The following TTC28 variants were observed in gnomAD, a reference collection of about 807,000 sequenced individuals.
TTC28 encodes tetratricopeptide repeat protein 28.
A neutral mutation model predicts 198.0 loss-of-function variants in TTC28; 61 were observed. The ratio of observed to expected loss-of-function variants is 0.31; its 90% confidence interval spans 0.25 to 0.38. The LOEUF (loss-of-function observed/expected upper bound fraction) is 0.38. Ranked by LOEUF, TTC28 falls within the 10% of genes least tolerant of loss-of-function variation. The probability of loss-of-function intolerance (pLI) is 1.00; values close to 1 mark genes in which losing one functional copy is unlikely to be tolerated. For synonymous variants in TTC28, 1,171 were observed against 1,297.8 expected, an observed-to-expected ratio of 0.90 and a Z score of 2.10; for missense variants, 2,678 against 3,164.0, an observed-to-expected ratio of 0.85 and a Z score of 3.69.
At chr22:28,642,401 A>C (rs2051382918) in intron 1 of TTC28, among the ~76,000 whole-genome samples, 1 of 151,762 alleles carries the variant, frequency 6.6e-6, no homozygotes, top group Non-Finnish European at 1.5e-5. Flanking sequence ...AACCCTGTGA[A>C]TAGATAATAA....
chr22:28,292,863 T>C (rs907950794), intron 5 of TTC28, among the ~76,000 whole-genome samples: 1 of 152,226 alleles, frequency 6.6e-6, no homozygotes, highest in Non-Finnish European at 1.5e-5. Flanking sequence ...CACACCACAC[T>C]ACCCAGACCT....
Position 27,980,777 on chromosome 22 carries a change from CCTTT to C in TTC28, c.*1440_*1443del, listed in dbSNP as rs1936982252. On this transcript the variant is annotated 3_prime_UTR_variant, in exon 23 of 23. Coordinates refer to ENST00000397906, the MANE Select transcript of TTC28 (RefSeq NM_001145418.2). ...AGTACTAATACGACTTTCAGCATTT[CCTTT>C]CTTTATAAAATAAATTAATGGTTAC... is the stretch of plus-strand genomic sequence containing the variant. The C allele has an allele frequency of 6.6e-6, 1 of 152,194 alleles. No individual in the cohort carries two copies. Among genetic ancestry groups the C allele is most frequent in the African/African-American group, 2.4e-5 (1 of 41,424 alleles). 9.4% of individuals were successfully genotyped at this position (152,194 alleles called of 1,614,324 possible).
chr22:28,241,675 G>GTTCTT (rs1426175786), intron 5 of TTC28, among the ~76,000 whole-genome samples: 1 of 151,968 alleles, frequency 6.6e-6, no homozygotes, highest in Non-Finnish European at 1.5e-5. Flanking sequence ...TGGGTAAAGG[G>GTTCTT]TACACAGCAG....
At chr22:28,533,676 T>C (rs532425984) in intron 2 of TTC28, among the ~76,000 whole-genome samples, 60 of 152,304 alleles carry the variant, frequency 3.9e-4, no homozygotes, top group African/African-American at 1.3e-3. Flanking sequence ...AAGGCTACAG[T>C]AACCAAAACA....
At chr22:27,988,436 C>T (rs545301225) in intron 21 of TTC28, among the ~76,000 whole-genome samples, 152 of 151,972 alleles carry the variant, frequency 1.0e-3, no homozygotes, top group African/African-American at 3.5e-3. Flanking sequence ...TACAGGCATG[C>T]GCCTCCATGC....
At chr22:28,533,390 C>A (rs577908301) in intron 2 of TTC28, among the ~76,000 whole-genome samples, 1 of 152,142 alleles carries the variant, frequency 6.6e-6, no homozygotes, top group African/African-American at 2.4e-5. Context: ...TACAAATGAC[C>A]ACTCAATGAA....
intron 2 of TTC28, among the ~76,000 whole-genome samples, chr22:28,506,632 C>G (rs1217586654): frequency 6.6e-6 from 1 of 152,104 alleles, no homozygotes; most frequent in East Asian, 1.9e-4. Context: ...ACAGGGGTCT[C>G]CAGTCACCTC....
chr22:28,663,375 A>G (rs1422737336), intron 1 of TTC28, among the ~76,000 whole-genome samples: 1 of 150,602 alleles, frequency 6.6e-6, no homozygotes, highest in Non-Finnish European at 1.5e-5. Context: ...CTGCATTTCC[A>G]TCTGAGGTAC....
intron 16 of TTC28, chr22:27,998,250 A>C (rs770367453): frequency 1.8e-4 from 93 of 504,830 alleles, no homozygotes; most frequent in Non-Finnish European, 2.9e-4. Flanking sequence ...GGGTTAAATG[A>C]GGGTGCCATG....
rs1450399592 is a variant in TTC28 at position 28,177,696 on chromosome 22, T to C, written c.934-14097A>G. Among the ~76,000 whole-genome samples the C allele has an allele frequency of 3.3e-5, 5 of 152,226 alleles. No homozygotes were observed. In the East Asian group the frequency reaches 5.8e-4, roughly 18 times the overall value. On this transcript the variant is annotated intron_variant, in intron 5 of 22. Coordinates refer to ENST00000397906, the MANE Select transcript of TTC28 (RefSeq NM_001145418.2). Reference sequence around the variant, plus strand: ...GGCTAAAAACAATGGTCTATCAAGCTGTGAAAAGACATGAAAGAAATTTTA... The same window carrying C: ...GGCTAAAAACAATGGTCTATCAAGCCGTGAAAAGACATGAAAGAAATTTTA...
chr22:28,438,215 G>C (rs182171008), intron 2 of TTC28, among the ~76,000 whole-genome samples: 1 of 152,296 alleles, frequency 6.6e-6, no homozygotes, highest in African/African-American at 2.4e-5. Flanking sequence ...ATTCTGGCAA[G>C]TAACTAAGTA....
At chr22:28,525,081 A>T (rs908755524) in intron 2 of TTC28, among the ~76,000 whole-genome samples, 1 of 152,214 alleles carries the variant, frequency 6.6e-6, no homozygotes, top group East Asian at 1.9e-4. Flanking sequence ...CTTCATACTT[A>T]GTATATCTTT....
intron 2 of TTC28, among the ~76,000 whole-genome samples, chr22:28,451,026 A>G (rs2047770949): frequency 6.6e-6 from 1 of 152,224 alleles, no homozygotes; most frequent in African/African-American, 2.4e-5. Flanking sequence ...AGTAGCTAGA[A>G]CATTCAGAGT....
At chr22:28,565,973 G>C (rs535770699) in intron 2 of TTC28, among the ~76,000 whole-genome samples, 1 of 152,258 alleles carries the variant, frequency 6.6e-6, no homozygotes, top group African/African-American at 2.4e-5. Context: ...AAGTAGGAGA[G>C]AGTTTTGCCT....
intron 2 of TTC28, among the ~76,000 whole-genome samples, chr22:28,542,016 G>A (rs2049423005): frequency 6.6e-6 from 1 of 152,078 alleles, no homozygotes; most frequent in Non-Finnish European, 1.5e-5. Flanking sequence ...TTGAGCCCTG[G>A]AGTTAGAGGC....
chr22:28,462,210 CT>C (rs1349022898), intron 2 of TTC28, among the ~76,000 whole-genome samples: 1 of 152,190 alleles, frequency 6.6e-6, no homozygotes, highest in East Asian at 1.9e-4. Context: ...GGTGAGTATA[CT>C]TCCTGCTCCA....
intron 1 of TTC28, among the ~76,000 whole-genome samples, chr22:28,678,554 C>A (rs1373941245): frequency 1.3e-5 from 2 of 152,168 alleles, no homozygotes; most frequent in Non-Finnish European, 2.9e-5. Flanking sequence ...GCAACATGTA[C>A]CCTGCTTTTG....
At chr22:28,214,917 T>C (rs1161837966) in intron 5 of TTC28, among the ~76,000 whole-genome samples, 2 of 152,048 alleles carry the variant, frequency 1.3e-5, no homozygotes. Context: ...ATTAAGAAAA[T>C]GTGGCACATA....
At chr22:28,470,208 T>C (rs985597646) in intron 2 of TTC28, among the ~76,000 whole-genome samples, 4 of 152,218 alleles carry the variant, frequency 2.6e-5, no homozygotes, top group African/African-American at 9.6e-5. Flanking sequence ...TTTATTACAG[T>C]GGCAACAGGA....
Sources: gnomAD v4.1 joint callset for allele counts (sites outside exome capture counted in the v4.1 genomes callset) on GRCh38, gnomAD v4.1.1 for gene constraint, MANE v1.5 for transcripts, NCBI Gene and HGNC (gene_info 2026-07-23, HGNC 2026-07-21) for gene names.